The following LARGE1 variants were observed in gnomAD, a reference collection of about 807,000 sequenced individuals.
LARGE1 encodes xylosyl- and glucuronyltransferase LARGE1.
LARGE1 carries 43 observed loss-of-function variants against 87.6 expected under a neutral mutation model. That is an observed-to-expected ratio of 0.49 (90% CI 0.38 to 0.63). LARGE1 has a LOEUF of 0.63. Ranked by LOEUF, LARGE1 falls within the 30% of genes least tolerant of loss-of-function variation. LARGE1 has a pLI of 0.00. For synonymous variants in LARGE1, 434 were observed against 394.6 expected, an observed-to-expected ratio of 1.10 and a Z score of -1.18; for missense variants, 802 against 1,000.2, an observed-to-expected ratio of 0.80 and a Z score of 2.67.
chr22:33,797,848 G>A (rs2086033930), intron 1 of LARGE1, among the ~76,000 whole-genome samples: 1 of 152,196 alleles, frequency 6.6e-6, no homozygotes, highest in Non-Finnish European at 1.5e-5. Flanking sequence ...ATTTACAACC[G>A]TAACCTAACC....
At chr22:33,468,366 C>T (rs1264317127) in intron 6 of LARGE1, among the ~76,000 whole-genome samples, 1 of 152,146 alleles carries the variant, frequency 6.6e-6, no homozygotes, top group Admixed American at 6.5e-5. Flanking sequence ...CCTTGGAAGA[C>T]TGAGGCAGGA....
At chr22:33,723,163 G>T (rs769723132) in intron 2 of LARGE1, among the ~76,000 whole-genome samples, 14 of 152,142 alleles carry the variant, frequency 9.2e-5, no homozygotes, top group South Asian at 2.1e-4. Context: ...AGGCTTGTTC[G>T]AACAAGGAAG....
intron 4 of LARGE1, 62 bp from the exon 5 acceptor site, chr22:33,604,620 C>G (rs1330393111): frequency 6.2e-7 from 1 of 1,602,008 alleles, no homozygotes; most frequent in Non-Finnish European, 8.5e-7. Flanking sequence ...ATTACAGCTG[C>G]AAAAACACAC....
At chr22:33,545,264 C>CTTTTTT (rs57882316) in intron 6 of LARGE1, among the ~76,000 whole-genome samples, 2 of 132,058 alleles carry the variant, frequency 1.5e-5, no homozygotes, top group Non-Finnish European at 3.2e-5. Context: ...CTTTCCTTTT[C>CTTTTTT]TTTTTTTTTT....
chr22:33,593,118 C>T (rs1263180588), intron 5 of LARGE1, among the ~76,000 whole-genome samples: 4 of 152,136 alleles, frequency 2.6e-5, no homozygotes, highest in Admixed American at 1.3e-4. Context: ...GGATTACAGG[C>T]GTGAGCCACA....
At chr22:33,400,990 C>T (rs572018540) in intron 7 of LARGE1, among the ~76,000 whole-genome samples, 129 of 152,312 alleles carry the variant, frequency 8.5e-4, no homozygotes, top group Non-Finnish European at 1.2e-3. Flanking sequence ...CACCTGGCAT[C>T]CCCTGGTGGC....
chr22:33,848,334 G>C (rs1394418805), intron 1 of LARGE1, among the ~76,000 whole-genome samples: 1 of 152,148 alleles, frequency 6.6e-6, no homozygotes, highest in Admixed American at 6.5e-5. Flanking sequence ...GAATGAAAAC[G>C]AGGTGGTGGA....
At chr22:33,778,343 C>G (rs1230456016) in intron 1 of LARGE1, among the ~76,000 whole-genome samples, 4 of 152,188 alleles carry the variant, frequency 2.6e-5, no homozygotes, top group Non-Finnish European at 5.9e-5. Flanking sequence ...CAGCAAAATA[C>G]ACATAACATA....
chr22:33,732,593 A>T (rs1181510168), intron 2 of LARGE1: 1 of 152,326 alleles, frequency 6.6e-6, no homozygotes, highest in Non-Finnish European at 1.5e-5. Context: ...TGACACATGC[A>T]CAGTGCTGAG....
At chr22:33,360,067 A>C (rs2064329096) in intron 9 of LARGE1, among the ~76,000 whole-genome samples, 1 of 149,796 alleles carries the variant, frequency 6.7e-6, no homozygotes, top group Non-Finnish European at 1.5e-5. Context: ...TAATCCCTGC[A>C]CTTTGGGAGA....
At chr22:33,853,665 C>A (rs554939886) in intron 1 of LARGE1, among the ~76,000 whole-genome samples, 1 of 152,164 alleles carries the variant, frequency 6.6e-6, no homozygotes, top group Non-Finnish European at 1.5e-5. Context: ...CCACATATGC[C>A]GAAGATAGCA....
the LARGE1 span, among the ~76,000 whole-genome samples, chr22:33,080,830 G>A: frequency 2.0e-5 from 3 of 152,096 alleles, no homozygotes; most frequent in South Asian, 2.1e-4. Flanking sequence ...ACTGAACCTC[G>A]GTTCAGTTTA....
chr22:33,497,401 G>A (rs1414413176), intron 6 of LARGE1, among the ~76,000 whole-genome samples: 1 of 152,124 alleles, frequency 6.6e-6, no homozygotes, highest in African/African-American at 2.4e-5. Flanking sequence ...CAAATGAAAT[G>A]ACCACTCCAT....
chr22:33,906,254 G>A (rs185738958), intron 1 of LARGE1, among the ~76,000 whole-genome samples: 2 of 152,330 alleles, frequency 1.3e-5, no homozygotes, highest in Admixed American at 6.5e-5. Flanking sequence ...ATCAATTTCA[G>A]GGAAGGGCAC....
At chr22:33,542,321 G>A (rs1193478717) in intron 6 of LARGE1, among the ~76,000 whole-genome samples, 1 of 151,982 alleles carries the variant, frequency 6.6e-6, no homozygotes, top group Non-Finnish European at 1.5e-5. Context: ...CTGTTCATTA[G>A]TTGAACTCTC....
intron 2 of LARGE1, among the ~76,000 whole-genome samples, chr22:33,677,309 A>G (rs1208343155): frequency 6.7e-6 from 1 of 149,306 alleles, no homozygotes; most frequent in African/African-American, 2.5e-5. Context: ...AAAAAAAAAG[A>G]AAAGAAAAAC....
chr22:33,581,524 G>C (rs1337271193), intron 5 of LARGE1, among the ~76,000 whole-genome samples: 2 of 151,302 alleles, frequency 1.3e-5, no homozygotes, highest in Non-Finnish European at 3.0e-5. Context: ...AGAAGACAGA[G>C]AGAATCTGAC....
At chr22:33,842,073 T>C (rs140606093) in intron 1 of LARGE1, among the ~76,000 whole-genome samples, 1 of 152,356 alleles carries the variant, frequency 6.6e-6, no homozygotes, top group East Asian at 1.9e-4. Context: ...ACACAGTTAC[T>C]GTTATCGAAA....
the LARGE1 span, among the ~76,000 whole-genome samples, chr22:33,081,010 G>A: frequency 2.7e-5 from 4 of 150,718 alleles, no homozygotes. Context: ...TGTAGTAATT[G>A]GCACACAGTT....
Sources: gnomAD v4.1 joint callset for allele counts (sites outside exome capture counted in the v4.1 genomes callset) on GRCh38, gnomAD v4.1.1 for gene constraint, MANE v1.5 for transcripts, NCBI Gene and HGNC (gene_info 2026-07-23, HGNC 2026-07-21) for gene names.